Variants in SPMIP11 observed in about 807,000 individuals in gnomAD.
The protein encoded by SPMIP11 is sperm microtubule inner protein 11, also known as long intergenic non-protein coding RNA 935.
the SPMIP11 span, among the ~76,000 whole-genome samples, chr12:48,731,875 G>A: frequency 6.6e-6 from 1 of 152,100 alleles, no homozygotes; most frequent in Non-Finnish European, 1.5e-5. Flanking sequence ...TTGGCCAGGC[G>A]CAATGGCTCA....
the SPMIP11 span, among the ~76,000 whole-genome samples, chr12:48,732,413 C>T: frequency 6.6e-6 from 1 of 152,112 alleles, no homozygotes; most frequent in South Asian, 2.1e-4. Flanking sequence ...CTACACACCC[C>T]TGGCATAATC....
chr12:48,741,421 T>C, the SPMIP11 span, among the ~76,000 whole-genome samples: 1 of 152,152 alleles, frequency 6.6e-6, no homozygotes, highest in Admixed American at 6.6e-5. Flanking sequence ...ATTTTTCTGA[T>C]GTTTCTCATG....
At chr12:48,740,690 C>T in the SPMIP11 span, among the ~76,000 whole-genome samples, 1 of 150,778 alleles carries the variant, frequency 6.6e-6, no homozygotes, top group African/African-American at 2.4e-5. Flanking sequence ...GAGGAGATCT[C>T]AGCCTGGCCA....
At chr12:48,744,985 A>G in the SPMIP11 span, among the ~76,000 whole-genome samples, 266 of 152,180 alleles carry the variant, frequency 1.7e-3, no homozygotes, top group Middle Eastern at 0.014. Flanking sequence ...AAATATATTA[A>G]AGAGGCCGGG....
the SPMIP11 span, among the ~76,000 whole-genome samples, chr12:48,728,324 CG>C: frequency 3.3e-5 from 5 of 152,006 alleles, no homozygotes; most frequent in South Asian, 2.1e-4. Context: ...GGAATAAGAA[CG>C]GGGGAGTGGA....
chr12:48,766,566 A>T, the SPMIP11 span: 3 of 152,646 alleles, frequency 2.0e-5, no homozygotes, highest in African/African-American at 7.2e-5. Flanking sequence ...GGGACAGGGG[A>T]GTAGATTTTC....
chr12:48,770,900 G>A, the SPMIP11 span: 3 of 1,614,250 alleles, frequency 1.9e-6, no homozygotes, highest in Non-Finnish European at 8.5e-7. Flanking sequence ...GTTCAGCCCT[G>A]AGGCAGCCAT....
At chr12:48,750,670 G>T in the SPMIP11 span, among the ~76,000 whole-genome samples, 1 of 152,138 alleles carries the variant, frequency 6.6e-6, no homozygotes, top group South Asian at 2.1e-4. Context: ...TCGTCTCCTA[G>T]CAAGTCCACA....
the SPMIP11 span, among the ~76,000 whole-genome samples, chr12:48,757,183 G>A: frequency 6.6e-6 from 1 of 152,072 alleles, no homozygotes; most frequent in Non-Finnish European, 1.5e-5. Flanking sequence ...CCAAGAGACA[G>A]AAATCTTGAA....
chr12:48,760,589 C>T, the SPMIP11 span, among the ~76,000 whole-genome samples: 2 of 152,264 alleles, frequency 1.3e-5, no homozygotes, highest in Non-Finnish European at 2.9e-5. Flanking sequence ...TGCAGTGCTA[C>T]GATCTTGGCC....
chr12:48,759,820 T>C, the SPMIP11 span, among the ~76,000 whole-genome samples: 4,089 of 152,186 alleles, frequency 0.027, 189 homozygotes, highest in African/African-American at 0.092. Context: ...AAAAAAATTT[T>C]TTTTTGAGAT....
the SPMIP11 span, chr12:48,765,112 T>A: frequency 1.7e-6 from 1 of 597,472 alleles, no homozygotes; most frequent in Non-Finnish European, 3.0e-6. Context: ...GATTTGAGTC[T>A]TACCAGAGAA....
the SPMIP11 span, among the ~76,000 whole-genome samples, chr12:48,751,983 C>T: frequency 6.6e-6 from 1 of 151,400 alleles, no homozygotes; most frequent in Non-Finnish European, 1.5e-5. Flanking sequence ...ATGAGAATCT[C>T]TCGAACCTGG....
the SPMIP11 span, among the ~76,000 whole-genome samples, chr12:48,753,664 G>T: frequency 0.084 from 9,949 of 117,964 alleles, 630 homozygotes; most frequent in East Asian, 0.26. Context: ...GGGCACTGTT[G>T]TTCTGGCTTT....
the SPMIP11 span, among the ~76,000 whole-genome samples, chr12:48,757,582 G>A: frequency 6.6e-6 from 1 of 151,358 alleles, no homozygotes; most frequent in Non-Finnish European, 1.5e-5. Flanking sequence ...GGAGGCAGAT[G>A]TTGCAGTGAG....
chr12:48,736,474 A>T, the SPMIP11 span, among the ~76,000 whole-genome samples: 10 of 151,454 alleles, frequency 6.6e-5, no homozygotes, highest in African/African-American at 9.7e-5. Context: ...TTCTATATGT[A>T]CTGATTGTTA....
the SPMIP11 span, among the ~76,000 whole-genome samples, chr12:48,730,526 A>G: frequency 6.6e-6 from 1 of 152,098 alleles, no homozygotes; most frequent in Non-Finnish European, 1.5e-5. Flanking sequence ...TATAATAAAC[A>G]ACTACTTATT....
chr12:48,764,931 C>G, the SPMIP11 span: 1 of 702,940 alleles, frequency 1.4e-6, no homozygotes, highest in South Asian at 1.5e-5. Flanking sequence ...AGGAGTGCGT[C>G]CAGAGGAAAC....
At chr12:48,763,563 A>G in the SPMIP11 span, among the ~76,000 whole-genome samples, 1 of 152,228 alleles carries the variant, frequency 6.6e-6, no homozygotes, top group South Asian at 2.1e-4. Context: ...GGGATTTTAA[A>G]AAAATTATTA....
Sources: allele counts gnomAD v4.1 joint callset (sites outside exome capture counted in the v4.1 genomes callset), GRCh38; gene constraint gnomAD v4.1.1; transcripts MANE v1.5; gene names NCBI Gene and HGNC (gene_info 2026-07-23, HGNC 2026-07-21).